Variants in IL17B observed in about 807,000 individuals in gnomAD.
IL17B encodes the protein interleukin 17B.
A neutral mutation model predicts 14.7 loss-of-function variants in IL17B; 14 were observed. That is an observed-to-expected ratio of 0.95 (90% confidence interval 0.63 to 1.49). The LOEUF is 1.49. IL17B is among the 40% of genes most tolerant of loss of function. The pLI is 0.00. For missense variants in IL17B, 233 were observed against 252.8 expected, an observed-to-expected ratio of 0.92 and a Z score of 0.53; for synonymous variants, 105 against 94.8, an observed-to-expected ratio of 1.11 and a Z score of -0.62.
intron 1 of IL17B, among the ~76,000 whole-genome samples, chr5:149,394,119 AC>A (rs1462724837): frequency 6.6e-6 from 1 of 152,178 alleles, no homozygotes; most frequent in African/African-American, 2.4e-5. Flanking sequence ...GGCAATAAAA[AC>A]GTACACATTT....
intron 1 of IL17B, among the ~76,000 whole-genome samples, chr5:149,378,578 C>G (rs1758606490): frequency 6.6e-6 from 1 of 152,242 alleles, no homozygotes; most frequent in African/African-American, 2.4e-5. Flanking sequence ...GCCCCATGGC[C>G]CATGCCTGCT....
upstream of IL17B, among the ~76,000 whole-genome samples, chr5:149,380,696 G>A (rs1758671555): frequency 6.6e-6 from 1 of 152,234 alleles, no homozygotes; most frequent in South Asian, 2.1e-4. Flanking sequence ...GAGGGGCATT[G>A]TGAACAGATA....
chr5:149,376,088 G>A (rs1251590853), intron 2 of IL17B, among the ~76,000 whole-genome samples: 1 of 152,188 alleles, frequency 6.6e-6, no homozygotes, highest in Non-Finnish European at 1.5e-5. Context: ...GAGGACCTCA[G>A]GGTCAGCCCT....
chr5:149,403,508 C>CA (rs1181840239), intron 1 of IL17B, among the ~76,000 whole-genome samples: 1 of 151,322 alleles, frequency 6.6e-6, no homozygotes, highest in Non-Finnish European at 1.5e-5. Context: ...ACTCTACCAA[C>CA]AAAAAAAAAG....
At chr5:149,398,463 T>C (rs1759140443) in intron 1 of IL17B, among the ~76,000 whole-genome samples, 1 of 152,172 alleles carries the variant, frequency 6.6e-6, no homozygotes, top group African/African-American at 2.4e-5. Flanking sequence ...TCATACGTTT[T>C]TGAGAAAAGA....
intron 1 of IL17B, among the ~76,000 whole-genome samples, chr5:149,377,859 T>C (rs1381398464): frequency 6.6e-6 from 1 of 152,072 alleles, no homozygotes; most frequent in Non-Finnish European, 1.5e-5. Context: ...AGAACTTTGC[T>C]GTGGCCGGGC....
At chr5:149,399,312 A>G (rs1364908733) in intron 1 of IL17B, among the ~76,000 whole-genome samples, 1 of 152,194 alleles carries the variant, frequency 6.6e-6, no homozygotes, top group African/African-American at 2.4e-5. Context: ...TAGTGGCACA[A>G]CTGGGCCAAA....
At position 149,390,229 on chromosome 5, in the gene IL17B, CCT is replaced by C. The variant is rs1302300701; in HGVS notation, n.96-13206_96-13205del. 2.0e-3 allele frequency among the ~76,000 whole-genome samples: 289 copies of C among 146,864 alleles called. 1 individual carries two copies. Among genetic ancestry groups the C allele is most frequent in the African/African-American group, 7.0e-3 (271 of 38,940 alleles). ...ACTGGTATTAGTGACCCCCCCCCTC[CCT>C]GTCCCTGGGGAAAGATGGGTCAGGG... On this transcript the variant is annotated intron_variant and non_coding_transcript_variant, in intron 1 of 2. Coordinates refer to the IL17B transcript ENST00000505432.
At chr5:149,388,693 C>G (rs971144955) in intron 1 of IL17B, among the ~76,000 whole-genome samples, 3 of 152,212 alleles carry the variant, frequency 2.0e-5, no homozygotes, top group African/African-American at 7.2e-5. Flanking sequence ...GTGTCCTTAT[C>G]CCTATGCTAC....
chr5:149,378,440 A>G (rs1758602505), intron 1 of IL17B, among the ~76,000 whole-genome samples: 1 of 152,200 alleles, frequency 6.6e-6, no homozygotes, highest in East Asian at 1.9e-4. Context: ...CAGACTCCCC[A>G]GGAATCCAGA....
chr5:149,379,410 A>G (rs1758629250), upstream of IL17B: 2 of 669,860 alleles, frequency 3.0e-6, no homozygotes, highest in Admixed American at 5.7e-5. Flanking sequence ...AGCCTAGCGC[A>G]GTGGCAGGCG....
At chr5:149,396,684 G>A (rs1210595704) in intron 1 of IL17B, among the ~76,000 whole-genome samples, 3 of 152,138 alleles carry the variant, frequency 2.0e-5, no homozygotes, top group African/African-American at 7.2e-5. Context: ...GATCACCTGA[G>A]CCTGGGAAGT....
chr5:149,403,374 C>T (rs1038835240), intron 1 of IL17B, among the ~76,000 whole-genome samples: 4 of 152,150 alleles, frequency 2.6e-5, no homozygotes, highest in African/African-American at 4.8e-5. Flanking sequence ...GTGTGAGCCA[C>T]CACGCCTAGC....
intron 1 of IL17B, among the ~76,000 whole-genome samples, chr5:149,385,364 CAA>C (rs72068052): frequency 2.0e-5 from 3 of 151,486 alleles, no homozygotes; most frequent in Non-Finnish European, 2.9e-5. Flanking sequence ...TCAGAAAAAA[CAA>C]AAAAAAATCC....
At chr5:149,392,035 C>A (rs1042150320) in intron 1 of IL17B, among the ~76,000 whole-genome samples, 1 of 152,230 alleles carries the variant, frequency 6.6e-6, no homozygotes. Context: ...TGACACAGGC[C>A]TCTTGTACAT....
intron 1 of IL17B, among the ~76,000 whole-genome samples, chr5:149,403,575 G>A (rs1287602166): frequency 2.0e-5 from 3 of 152,182 alleles, no homozygotes; most frequent in Non-Finnish European, 4.4e-5. Flanking sequence ...GGGGTTATGG[G>A]CCTTTTCAAT....
chr5:149,402,339 C>T (rs1020513375), intron 1 of IL17B, among the ~76,000 whole-genome samples: 1 of 152,196 alleles, frequency 6.6e-6, no homozygotes, highest in Non-Finnish European at 1.5e-5. Context: ...CCCTTCAATG[C>T]AAGCCTTTCC....
intron 1 of IL17B, among the ~76,000 whole-genome samples, chr5:149,389,331 A>G (rs1758892975): frequency 6.6e-6 from 1 of 152,244 alleles, no homozygotes. Flanking sequence ...GAGAAGTCCA[A>G]AGAAGGAAGA....
Position 149,374,425 on chromosome 5 carries a change from A to G in IL17B, c.487T>C (p.Cys163Arg). ...LCPPPPRTGP[C>R]RQRAVMETIA... ...GTCTCCATGACTGCGCGCTGGCGGC[A>G]AGGCCCTGTGCGGGGCGGTGGCGGG... Residue 163 changes from cysteine to arginine, a missense_variant, in exon 3 of 3, where the codon TGC (cysteine) becomes CGC (arginine). Coordinates refer to ENST00000261796, the MANE Select transcript of IL17B (RefSeq NM_014443.3). This position sits in a 1 kb window ranked among gnomAD's most constrained non-coding sequence, Gnocchi z 5.0. 1 of 1,606,892 alleles carries G rather than the reference A, an allele frequency of 6.2e-7. No homozygotes were observed.
Sources: allele counts gnomAD v4.1 joint callset (sites outside exome capture counted in the v4.1 genomes callset), GRCh38; gene constraint gnomAD v4.1.1; non-coding constraint Gnocchi (gnomAD v3.1); transcripts MANE v1.5; gene names NCBI Gene and HGNC (gene_info 2026-07-23, HGNC 2026-07-21).